The following MAP4 variants were observed in gnomAD, a reference collection of about 807,000 sequenced individuals.
The protein encoded by MAP4 is microtubule-associated protein 4.
In MAP4, 76 loss-of-function variants were observed where a neutral mutation model predicts 170.2. That is an observed-to-expected ratio of 0.45 (90% CI 0.37 to 0.54). The LOEUF (loss-of-function observed/expected upper bound fraction) is 0.54. Among genes scored for constraint, MAP4 ranks in the 20% least tolerant of loss-of-function variants. MAP4 has a pLI of 0.00. For missense variants in MAP4, 2,506 were observed against 2,748.0 expected, an observed-to-expected ratio of 0.91 and a Z score of 1.97; for synonymous variants, 909 against 994.5, an observed-to-expected ratio of 0.91 and a Z score of 1.62.
rs2100102837 is a variant in MAP4 at position 48,007,238 on chromosome 3, T to C, written c.-19-8359A>G. On this transcript the variant is annotated intron_variant, in intron 1 of 20. Coordinates refer to ENST00000683076, the MANE Select transcript of MAP4 (RefSeq NM_001385682.1). ...CCGACTAAAATTCAGGGACCTTCTG[T>C]CTCAGTAAAATTTCTAGGGATCTAG... Among the ~76,000 whole-genome samples, 5 of 152,200 alleles carry C rather than the reference T, an allele frequency of 3.3e-5. No individual in the cohort carries two copies. In the South Asian group the frequency reaches 1.0e-3, roughly 31 times the overall value.
At chr3:47,982,863 G>A (rs2100086195) in intron 2 of MAP4, among the ~76,000 whole-genome samples, 3 of 152,104 alleles carry the variant, frequency 2.0e-5, no homozygotes, top group Admixed American at 1.3e-4. Context: ...CCCTTCTTGA[G>A]GAAATAAATA....
Position 48,029,412 on chromosome 3 carries a change from G to T in MAP4, c.-19-30533C>A, listed in dbSNP as rs1412310515. On this transcript the variant is annotated intron_variant, in intron 1 of 18. Transcript: ENST00000360240. Reference sequence around the variant, plus strand: ...GATGGCGCCACTGAACTCCAGCATGGGTGACAGAGCGAGACTCTGTCTCTA... The same window carrying T: ...GATGGCGCCACTGAACTCCAGCATGTGTGACAGAGCGAGACTCTGTCTCTA... Among the ~76,000 whole-genome samples, 3 of 152,214 alleles carry T rather than the reference G, an allele frequency of 2.0e-5. No individual in the cohort carries two copies. In the East Asian group the frequency reaches 5.8e-4, roughly 29 times the overall value.
intron 3 of MAP4, among the ~76,000 whole-genome samples, chr3:47,938,170 G>C (rs1238271924): frequency 6.6e-6 from 1 of 151,250 alleles, no homozygotes; most frequent in Non-Finnish European, 1.5e-5. Context: ...TCAGGAGTTA[G>C]AGACCAGCCT....
chr3:47,990,391 A>G (rs2100091453), intron 2 of MAP4, among the ~76,000 whole-genome samples: 1 of 152,188 alleles, frequency 6.6e-6, no homozygotes, highest in Non-Finnish European at 1.5e-5. Context: ...GGATCACTTG[A>G]GCCCAGCAGT....
intron 17 of MAP4, among the ~76,000 whole-genome samples, chr3:47,857,856 G>A (rs968246556): frequency 6.6e-6 from 1 of 151,858 alleles, no homozygotes; most frequent in African/African-American, 2.4e-5. Context: ...TTACAGGCGT[G>A]TACCACCACA....
At chr3:47,871,885 T>G in intron 13 of MAP4, 32 bp downstream of exon 13, 1 of 1,579,262 alleles carries the variant, frequency 6.3e-7, no homozygotes, top group Non-Finnish European at 8.7e-7. Flanking sequence ...TTCCCCTCCC[T>G]AGTTCCCATG....
chr3:48,032,494 C>T (rs189760316), intron 1 of MAP4, among the ~76,000 whole-genome samples: 325 of 150,824 alleles, frequency 2.2e-3, no homozygotes, highest in African/African-American at 6.9e-3. Context: ...GAGAGCAAGA[C>T]TCCGTCTCAA....
chr3:47,961,485 T>C (rs1232175630), intron 3 of MAP4, among the ~76,000 whole-genome samples: 2 of 152,196 alleles, frequency 1.3e-5, no homozygotes, highest in African/African-American at 4.8e-5. Flanking sequence ...CATAAGAGTT[T>C]CATTGTTATA....
At chr3:48,028,040 C>T (rs1377721185) in intron 1 of MAP4, among the ~76,000 whole-genome samples, 1 of 152,144 alleles carries the variant, frequency 6.6e-6, no homozygotes, top group African/African-American at 2.4e-5. Flanking sequence ...GCCTGTAATC[C>T]CAGTACTTTG....
intron 3 of MAP4, among the ~76,000 whole-genome samples, chr3:47,930,251 C>A (rs2100048815): frequency 6.6e-6 from 1 of 151,666 alleles, no homozygotes; most frequent in South Asian, 2.1e-4. Context: ...CGAGACCATC[C>A]TGGCTAACAA....
At chr3:47,989,555 T>A (rs1348410512) in intron 2 of MAP4, among the ~76,000 whole-genome samples, 1 of 152,176 alleles carries the variant, frequency 6.6e-6, no homozygotes, top group Non-Finnish European at 1.5e-5. Context: ...CAAGAAACTT[T>A]ACTAGAATAA....
intron 1 of MAP4, among the ~76,000 whole-genome samples, chr3:48,043,293 G>A (rs1326239099): frequency 6.6e-6 from 1 of 152,074 alleles, no homozygotes; most frequent in Non-Finnish European, 1.5e-5. Flanking sequence ...TAGAGACGGG[G>A]TTTTGCCATG....
At chr3:48,065,958 AAAC>A (rs1233971259) in intron 1 of MAP4, among the ~76,000 whole-genome samples, 4 of 152,200 alleles carry the variant, frequency 2.6e-5, no homozygotes, top group Admixed American at 6.5e-5. Flanking sequence ...ATCTCTACAA[AAAC>A]AACAAAAAAA....
intron 4 of MAP4, among the ~76,000 whole-genome samples, chr3:47,923,637 AC>A (rs1448174661): frequency 2.4e-4 from 36 of 150,804 alleles, no homozygotes; most frequent in African/African-American, 6.8e-4. Context: ...AAAAAAAAAA[AC>A]AAACCCTTAT....
At position 48,036,614 on chromosome 3, in the gene MAP4, G is replaced by A. The variant is rs1420948493; in HGVS notation, c.-19-37735C>T. Among the ~76,000 whole-genome samples the A allele has an allele frequency of 5.9e-5, 9 of 152,278 alleles. No individual in the cohort carries two copies. The East Asian group carries it at 1.5e-3, about 26-fold the overall frequency. ...GGGTATGCCCCTCCAGACTCTTGAC[G>A]AGGCTGTTCTTTCTATGTAAACAGT... On this transcript the variant is annotated intron_variant, in intron 1 of 18. Transcript: ENST00000360240.
intron 10 of MAP4, among the ~76,000 whole-genome samples, chr3:47,878,609 G>A (rs576662696): frequency 2.6e-5 from 4 of 152,166 alleles, no homozygotes; most frequent in African/African-American, 9.6e-5. Flanking sequence ...CTGCGATCTC[G>A]GCTCACTGCA....
chr3:47,936,824 T>C (rs2100053204), intron 3 of MAP4, among the ~76,000 whole-genome samples: 1 of 151,210 alleles, frequency 6.6e-6, no homozygotes, highest in South Asian at 2.1e-4. Flanking sequence ...CAACTAAAAA[T>C]ATAAAATTAG....
chr3:48,045,278 A>T (rs887010769), intron 1 of MAP4, among the ~76,000 whole-genome samples: 3 of 151,140 alleles, frequency 2.0e-5, no homozygotes, highest in South Asian at 4.2e-4. Context: ...AAAAAAAAAA[A>T]TTTCATTGAA....
At chr3:47,951,962 C>G (rs1435721804) in intron 3 of MAP4, among the ~76,000 whole-genome samples, 1 of 151,666 alleles carries the variant, frequency 6.6e-6, no homozygotes, top group Non-Finnish European at 1.5e-5. Flanking sequence ...TCTGCCCGGC[C>G]GCCCACTGTC....
Sources: gnomAD v4.1 joint callset for allele counts (sites outside exome capture counted in the v4.1 genomes callset) on GRCh38, gnomAD v4.1.1 for gene constraint, MANE v1.5 for transcripts, NCBI Gene and HGNC (gene_info 2026-07-23, HGNC 2026-07-21) for gene names.